THADA: variants seen among roughly 807,000 people sequenced by gnomAD.
THADA encodes THADA armadillo repeat containing.
A neutral mutation model predicts 219.8 loss-of-function variants in THADA; 213 were observed. The ratio of observed to expected loss-of-function variants is 0.97; its 90% CI spans 0.87 to 1.09. THADA has a LOEUF of 1.09. THADA is among the 50% of genes least tolerant of loss of function. THADA has a pLI of 0.00. For synonymous variants in THADA, 1,018 were observed against 828.9 expected, an observed-to-expected ratio of 1.23 and a Z score of -3.92; for missense variants, 2,956 against 2,311.3, an observed-to-expected ratio of 1.28 and a Z score of -5.72.
intron 21 of THADA, among the ~76,000 whole-genome samples, chr2:43,539,105 A>C (rs1172115787): frequency 6.6e-6 from 1 of 152,230 alleles, no homozygotes; most frequent in Non-Finnish European, 1.5e-5. Context: ...GAAGAATAAG[A>C]AATGCAAGTT....
intron 22 of THADA, among the ~76,000 whole-genome samples, chr2:43,509,729 A>G (rs753497673): frequency 5.3e-5 from 8 of 152,220 alleles, no homozygotes; most frequent in Admixed American, 2.0e-4. Flanking sequence ...AGATTCAGCT[A>G]TATGTTTCAC....
intron 22 of THADA, among the ~76,000 whole-genome samples, chr2:43,520,983 GGGAGGA>G (rs1692368974): frequency 1.7e-5 from 1 of 59,362 alleles, no homozygotes; most frequent in African/African-American, 1.0e-4. Context: ...GAGGGAGGAA[GGGAGGA>G]AAGGGAGGAA....
chr2:43,282,786 C>T (rs144672455), intron 35 of THADA, among the ~76,000 whole-genome samples: 1 of 152,308 alleles, frequency 6.6e-6, no homozygotes, highest in African/African-American at 2.4e-5. Context: ...AGGATATTCT[C>T]AAGCTTGGTT....
intron 28 of THADA, among the ~76,000 whole-genome samples, chr2:43,409,092 G>A (rs1015254123): frequency 6.6e-6 from 1 of 152,150 alleles, no homozygotes; most frequent in African/African-American, 2.4e-5. Context: ...TAATTATTTT[G>A]CATCTACAGA....
chr2:43,428,934 A>G (rs1678868316), intron 27 of THADA, among the ~76,000 whole-genome samples: 1 of 152,222 alleles, frequency 6.6e-6, no homozygotes, highest in Non-Finnish European at 1.5e-5. Context: ...AGCATAAACT[A>G]CTAATGTGAG....
intron 29 of THADA, among the ~76,000 whole-genome samples, chr2:43,359,932 CT>C (rs981999906): frequency 1.4e-3 from 200 of 143,402 alleles, no homozygotes; most frequent in Middle Eastern, 3.6e-3. Flanking sequence ...CTCCAACGGG[CT>C]TTTTTTTTTT....
chr2:43,378,324 A>C (rs903790098), intron 29 of THADA, among the ~76,000 whole-genome samples: 2 of 152,224 alleles, frequency 1.3e-5, no homozygotes, highest in African/African-American at 4.8e-5. Flanking sequence ...CCCAGAGATA[A>C]AAATTGGACA....
chr2:43,239,282 GCCTAGCTATCAGAAAC>G (rs1668377428), intron 36 of THADA, among the ~76,000 whole-genome samples: 1 of 152,198 alleles, frequency 6.6e-6, no homozygotes, highest in African/African-American at 2.4e-5. Context: ...CAAGGCAGAT[GCCTAGCTATCAGAAAC>G]CCTGTTATGT....
intron 36 of THADA, among the ~76,000 whole-genome samples, chr2:43,259,422 C>T (rs1320536116): frequency 7.2e-5 from 11 of 152,254 alleles, no homozygotes; most frequent in African/African-American, 2.7e-4. Flanking sequence ...GCCAGTCCAT[C>T]CTACTCTGAC....
intron 29 of THADA, among the ~76,000 whole-genome samples, chr2:43,390,657 T>C (rs575002634): frequency 1.6e-4 from 24 of 152,340 alleles, no homozygotes; most frequent in African/African-American, 5.8e-4. Context: ...TAATAAGTTC[T>C]GATATGTTTT....
rs528390043 is a variant in THADA at position 43,239,920 on chromosome 2, C to G, written c.5297-7038G>C. ...TCTACCCACAAGTATTTATTGATCA[C>G]CTGTGTGTGGAGGACGCTGTGTGAA... On this transcript the variant is annotated intron_variant, in intron 36 of 37. Transcript: ENST00000405975. Among the ~76,000 whole-genome samples, 145 of 152,340 alleles carry G rather than the reference C, an allele frequency of 9.5e-4. 3 individuals carry two copies. The South Asian group carries it at 0.029, about 30-fold the overall frequency.
intron 28 of THADA, among the ~76,000 whole-genome samples, chr2:43,415,646 T>C (rs1176221310): frequency 5.3e-5 from 8 of 152,192 alleles, no homozygotes; most frequent in Non-Finnish European, 5.9e-5. Context: ...ATCTAGAGCC[T>C]GGGGCTTCTG....
At chr2:43,580,980 C>G (rs942426698) in intron 8 of THADA, among the ~76,000 whole-genome samples, 3 of 152,024 alleles carry the variant, frequency 2.0e-5, no homozygotes, top group African/African-American at 7.2e-5. Flanking sequence ...CTAACAAGAG[C>G]TCTAAAGAGA....
At chr2:43,392,727 A>G (rs1673538415) in intron 29 of THADA, among the ~76,000 whole-genome samples, 1 of 151,888 alleles carries the variant, frequency 6.6e-6, no homozygotes. Flanking sequence ...GTCTCCTTTT[A>G]TGCCTGATGC....
chr2:43,345,552 G>A (rs1481236786), intron 29 of THADA, among the ~76,000 whole-genome samples: 1 of 152,094 alleles, frequency 6.6e-6, no homozygotes, highest in South Asian at 2.1e-4. Flanking sequence ...CCACACCCCC[G>A]CAGGGACCCA....
At chr2:43,289,198 T>A (rs889160101) in intron 34 of THADA, among the ~76,000 whole-genome samples, 5 of 152,258 alleles carry the variant, frequency 3.3e-5, no homozygotes, top group African/African-American at 9.6e-5. Context: ...ACATTACATT[T>A]TGCTTACTCA....
At chr2:43,556,273 A>G in intron 17 of THADA, 72 bp downstream of exon 17, 1 of 1,570,122 alleles carries the variant, frequency 6.4e-7, no homozygotes, top group South Asian at 1.2e-5. Flanking sequence ...ATGTTTAACC[A>G]TTAGATATTC....
rs1365923108 is a variant in THADA, at chr2:43,362,742, C to T, written c.4228-18505G>A. Among the ~76,000 whole-genome samples the T allele has an allele frequency of 3.3e-5, 5 of 151,998 alleles. No homozygotes were observed. In the East Asian group the frequency reaches 9.6e-4, roughly 29 times the overall value. On this transcript the variant is annotated intron_variant, in intron 29 of 37. Transcript: ENST00000405975. ...CCTTAGTTTGCTCTAACATTTTTAC[C>T]TTATCAACTTTAAATTTTTAAAAAC... is the stretch of plus-strand genomic sequence containing the variant.
chr2:43,514,071 A>T lies in THADA; in HGVS notation c.3375-5291T>A, dbSNP rs1037746705. On this transcript the variant is annotated intron_variant, in intron 22 of 37. Coordinates refer to ENST00000405975, the MANE Select transcript of THADA (RefSeq NM_022065.5). Reference sequence around the variant, plus strand: ...TGAGACACTGTCCCTTAAAAAAAAAAAAAATAAAGAACAAGAAATCATGAA... The same window carrying T: ...TGAGACACTGTCCCTTAAAAAAAAATAAAATAAAGAACAAGAAATCATGAA... 1.2e-4 allele frequency among the ~76,000 whole-genome samples: 18 copies of T among 151,864 alleles called. No individual in the cohort carries two copies. In the East Asian group the frequency reaches 1.9e-3, roughly 16 times the overall value.
Sources: allele counts gnomAD v4.1 joint callset (sites outside exome capture counted in the v4.1 genomes callset), GRCh38; gene constraint gnomAD v4.1.1; transcripts MANE v1.5; gene names NCBI Gene and HGNC (gene_info 2026-07-23, HGNC 2026-07-21).